PLCB1: variants seen among roughly 807,000 people sequenced by gnomAD.
PLCB1 encodes the protein phospholipase C beta 1.
PLCB1 carries 46 observed loss-of-function variants against 161.8 expected under a neutral mutation model. The observed-to-expected ratio is 0.28, with a 90% CI of 0.22 to 0.36. The LOEUF is 0.36. Among genes scored for constraint, PLCB1 ranks in the 10% least tolerant of loss-of-function variants. The pLI is 1.00. For synonymous variants in PLCB1, 517 were observed against 503.7 expected, an observed-to-expected ratio of 1.03 and a Z score of -0.35; for missense variants, 1,016 against 1,472.5, an observed-to-expected ratio of 0.69 and a Z score of 5.07.
At chr20:8,795,222 T>C (rs954198166) in intron 31 of PLCB1, among the ~76,000 whole-genome samples, 1 of 152,208 alleles carries the variant, frequency 6.6e-6, no homozygotes, top group African/African-American at 2.4e-5. Context: ...GAGTTCATTT[T>C]TTCCCTATGA....
intron 2 of PLCB1, among the ~76,000 whole-genome samples, chr20:8,311,738 A>G (rs1984412811): frequency 1.3e-5 from 2 of 152,202 alleles, no homozygotes; most frequent in African/African-American, 4.8e-5. Flanking sequence ...TTAAGTTGCC[A>G]CTTGAACTTG....
intron 3 of PLCB1, among the ~76,000 whole-genome samples, chr20:8,413,965 C>A (rs1386339231): frequency 5.3e-5 from 8 of 152,126 alleles, no homozygotes; most frequent in Non-Finnish European, 1.2e-4. Context: ...TTCCAGAAAG[C>A]CTGTTTATCA....
At chr20:8,350,232 T>C (rs1306413381) in intron 2 of PLCB1, among the ~76,000 whole-genome samples, 1 of 152,128 alleles carries the variant, frequency 6.6e-6, no homozygotes, top group East Asian at 1.9e-4. Context: ...TCTGATGCTC[T>C]CCCTCGCCTG....
intron 3 of PLCB1, among the ~76,000 whole-genome samples, chr20:8,561,797 A>G: frequency 6.6e-6 from 1 of 152,172 alleles, no homozygotes; most frequent in East Asian, 1.9e-4. Context: ...GTAATTGACT[A>G]GAAATCCTTT....
intron 3 of PLCB1, among the ~76,000 whole-genome samples, chr20:8,532,926 A>G (rs929104104): frequency 1.3e-5 from 2 of 151,952 alleles, no homozygotes; most frequent in African/African-American, 2.4e-5. Context: ...GGTTAGTTAC[A>G]TATGTATACA....
chr20:8,648,940 C>CT lies in PLCB1; in HGVS notation c.519-433dup, dbSNP rs1474135540. On this transcript the variant is annotated intron_variant, in intron 6 of 31. Coordinates refer to ENST00000338037, the MANE Select transcript of PLCB1 (RefSeq NM_015192.4). The stretch of plus-strand genomic sequence containing the variant: ...TGGGCAACAATGTGAGACCCTGTCT[C>CT]TAAAAAAAAAAAAAGAAAGAAAGAA... Among the ~76,000 whole-genome samples the CT allele has an allele frequency of 1.7e-4, 18 of 108,036 alleles. No homozygotes were observed. In the East Asian group the frequency reaches 4.0e-3, roughly 24 times the overall value. The allele number at this position is 108,036 out of a possible 152,430, so 70.9% of individuals were successfully genotyped here.
intron 31 of PLCB1, among the ~76,000 whole-genome samples, chr20:8,803,734 TTTG>T (rs758090777): frequency 6.6e-6 from 1 of 152,148 alleles, no homozygotes; most frequent in Non-Finnish European, 1.5e-5. Flanking sequence ...ATTCGATTTT[TTTG>T]TTGTTGTTAC....
intron 3 of PLCB1, among the ~76,000 whole-genome samples, chr20:8,463,760 A>G (rs1222441551): frequency 1.3e-5 from 2 of 152,304 alleles, no homozygotes; most frequent in Non-Finnish European, 1.5e-5. Context: ...ATTCTCTTGA[A>G]TGATAAAATA....
chr20:8,730,909 AATG>A (rs1980205303), intron 18 of PLCB1, among the ~76,000 whole-genome samples: 1 of 151,730 alleles, frequency 6.6e-6, no homozygotes, highest in African/African-American at 2.4e-5. Context: ...GTATTTTACA[AATG>A]ATCATCTTTC....
At chr20:8,229,792 G>A (rs565670115) in intron 2 of PLCB1, among the ~76,000 whole-genome samples, 2 of 151,388 alleles carry the variant, frequency 1.3e-5, no homozygotes, top group South Asian at 2.1e-4. Flanking sequence ...AGGCCAAGGC[G>A]GGGGTGGGTC....
intron 2 of PLCB1, among the ~76,000 whole-genome samples, chr20:8,201,955 T>C (rs547349217): frequency 6.6e-6 from 1 of 152,350 alleles, no homozygotes; most frequent in South Asian, 2.1e-4. Flanking sequence ...TGATTCCTGC[T>C]TATATTTAAT....
chr20:8,367,132 C>T (rs1191028199), intron 2 of PLCB1, among the ~76,000 whole-genome samples: 2 of 152,178 alleles, frequency 1.3e-5, no homozygotes, highest in Admixed American at 6.5e-5. Context: ...AGCTAACTCT[C>T]ACCACTAGGC....
intron 2 of PLCB1, among the ~76,000 whole-genome samples, chr20:8,237,357 A>G (rs1364970759): frequency 6.6e-6 from 1 of 152,092 alleles, no homozygotes; most frequent in Non-Finnish European, 1.5e-5. Flanking sequence ...TATGCAGATT[A>G]CAAAGGAAAA....
chr20:8,570,453 A>G (rs1279433974), intron 3 of PLCB1, among the ~76,000 whole-genome samples: 1 of 152,234 alleles, frequency 6.6e-6, no homozygotes, highest in African/African-American at 2.4e-5. Flanking sequence ...AGATACATAT[A>G]TACGAACACA....
chr20:8,449,325 C>T (rs912434816), intron 3 of PLCB1, among the ~76,000 whole-genome samples: 2 of 152,196 alleles, frequency 1.3e-5, no homozygotes, highest in Non-Finnish European at 2.9e-5. Context: ...TAGCATCCTG[C>T]TTCTCTGTAG....
rs746089818 is a variant in PLCB1 at position 8,881,629 on chromosome 20, T to A, written c.3431T>A (p.Val1144Glu). The stretch of plus-strand genomic sequence containing the variant: ...CCTCTTGATGTCTCTCAGCTGCAGG[T>A]GGAGCTGGAGCAAGAATACCAAGAC... ...QILDEKPKLQVELEQEYQDKF... is the reference protein window; with the variant it reads ...QILDEKPKLQEELEQEYQDKF... The change falls in exon 32 of 32, where the codon GTG (valine) becomes GAG (glutamate). Residue 1144 changes from valine to glutamate, a missense_variant. By Grantham distance (121) the Val-to-Glu change is moderately radical (BLOSUM62 -2). Coordinates refer to ENST00000338037, the MANE Select transcript of PLCB1 (RefSeq NM_015192.4). 1 of 1,613,508 alleles carries A rather than the reference T, an allele frequency of 6.2e-7. No homozygotes were observed. The highest frequency in any genetic ancestry group is 8.5e-7 in the Non-Finnish European group (1 of 1,179,584).
chr20:8,578,036 A>G (rs1259795297), intron 3 of PLCB1, among the ~76,000 whole-genome samples: 2 of 152,196 alleles, frequency 1.3e-5, no homozygotes, highest in African/African-American at 4.8e-5. Context: ...CTGTTCTAAT[A>G]AAACTTACTA....
chr20:8,786,904 C>T lies in PLCB1; in HGVS notation c.3112-1545C>T, dbSNP rs751964053. ...ATTTTTAGTAGAGACAGGGTTTTAC[C>T]GTGTTGGCCAGGCTAGTCTCAAACT... On this transcript the variant is annotated intron_variant, in intron 27 of 31. Transcript: ENST00000338037. Among the ~76,000 whole-genome samples the T allele has an allele frequency of 1.3e-4, 20 of 152,116 alleles. No homozygotes were observed. In the South Asian group the frequency reaches 2.7e-3, roughly 21 times the overall value.
chr20:8,724,607 A>G (rs1393150781), intron 15 of PLCB1, 49 bp from the exon 16 acceptor site: 2 of 1,006,694 alleles, frequency 2.0e-6, no homozygotes, highest in South Asian at 2.7e-5. Context: ...AATAACTGAT[A>G]ATATAATGCT....
Sources: gnomAD v4.1 joint callset for allele counts (sites outside exome capture counted in the v4.1 genomes callset) on GRCh38, gnomAD v4.1.1 for gene constraint, MANE v1.5 for transcripts, NCBI Gene and HGNC (gene_info 2026-07-23, HGNC 2026-07-21) for gene names.